GABRB3: variants seen among roughly 807,000 people sequenced by gnomAD.
GABRB3 encodes gamma-aminobutyric acid type A receptor subunit beta3, also known as gamma-aminobutyric acid receptor subunit beta-3.
A neutral mutation model predicts 52.1 loss-of-function variants in GABRB3; 14 were observed. That is an observed-to-expected ratio of 0.27 (90% CI 0.18 to 0.42). The LOEUF (loss-of-function observed/expected upper bound fraction) is 0.42, where lower values mean the gene tolerates loss of function less well. Among genes scored for constraint, GABRB3 ranks in the 10% least tolerant of loss-of-function variants. The pLI, the probability that GABRB3 is intolerant of heterozygous loss-of-function variation, is 1.00. For missense variants in GABRB3, 307 were observed against 609.1 expected, an observed-to-expected ratio of 0.50 and a Z score of 5.22; for synonymous variants, 260 against 232.3, an observed-to-expected ratio of 1.12 and a Z score of -1.08.
At chr15:26,680,989 T>C (rs561685003) in intron 3 of GABRB3, among the ~76,000 whole-genome samples, 11 of 152,346 alleles carry the variant, frequency 7.2e-5, no homozygotes, top group Non-Finnish European at 1.3e-4. Flanking sequence ...GTGCATTTTG[T>C]AAGATTAACC....
chr15:26,602,504 T>C (rs1891625499), intron 4 of GABRB3, among the ~76,000 whole-genome samples: 1 of 152,138 alleles, frequency 6.6e-6, no homozygotes. Flanking sequence ...ATAGATCATA[T>C]GTTAGGGTCA....
chr15:26,548,511 C>T (rs1259664152), intron 8 of GABRB3, among the ~76,000 whole-genome samples: 1 of 152,138 alleles, frequency 6.6e-6, no homozygotes, highest in Non-Finnish European at 1.5e-5. Flanking sequence ...AAACTATATT[C>T]TCCCATTTGT....
intron 3 of GABRB3, among the ~76,000 whole-genome samples, chr15:26,670,079 C>G (rs1004672980): frequency 7.9e-5 from 12 of 152,196 alleles, no homozygotes; most frequent in African/African-American, 2.9e-4. Flanking sequence ...GGGAGCTGCT[C>G]GAGCGCCCCG....
chr15:26,750,698 T>A (rs1306778617), intron 3 of GABRB3, among the ~76,000 whole-genome samples: 1 of 152,142 alleles, frequency 6.6e-6, no homozygotes, highest in Non-Finnish European at 1.5e-5. Context: ...TATTATTAAA[T>A]TGAAACAAAT....
chr15:26,676,185 G>A (rs180732305), intron 3 of GABRB3, among the ~76,000 whole-genome samples: 16 of 152,298 alleles, frequency 1.1e-4, no homozygotes, highest in Non-Finnish European at 1.6e-4. Flanking sequence ...GAATTCTTCA[G>A]CACCTGCTTG....
At chr15:26,632,041 C>T (rs1039531274) in intron 3 of GABRB3, among the ~76,000 whole-genome samples, 16 of 152,160 alleles carry the variant, frequency 1.1e-4, no homozygotes, top group Admixed American at 8.5e-4. Flanking sequence ...GCTTTGGAAG[C>T]GAACGTGCCG....
rs556085701 is a variant in GABRB3, at chr15:26,718,614, C to T, written c.240+53788G>A. 7.3e-5 allele frequency among the ~76,000 whole-genome samples: 11 copies of T among 151,278 alleles called. No homozygotes were observed. The East Asian group carries it at 2.1e-3, about 29-fold the overall frequency. On this transcript the variant is annotated intron_variant, in intron 3 of 8. Transcript: ENST00000311550. ...TATGATGCTCAATGTGTTTTTTTTT[C>T]TTATTATACTCTCGTCTATAGTTAT...
intron 3 of GABRB3, among the ~76,000 whole-genome samples, chr15:26,729,493 G>C (rs1286076490): frequency 6.6e-6 from 1 of 152,144 alleles, no homozygotes; most frequent in Admixed American, 6.5e-5. Flanking sequence ...CTAATGGCTA[G>C]CCTTTTAGGA....
chr15:26,697,553 A>G (rs568159117), intron 3 of GABRB3, among the ~76,000 whole-genome samples: 19 of 152,048 alleles, frequency 1.2e-4, no homozygotes, highest in Non-Finnish European at 2.6e-4. Context: ...GTGAAGCAGG[A>G]CCTCAGATAA....
chr15:26,675,029 G>C (rs542847239), intron 3 of GABRB3, among the ~76,000 whole-genome samples: 21 of 152,258 alleles, frequency 1.4e-4, no homozygotes, highest in African/African-American at 4.6e-4. Context: ...GGATCAAACT[G>C]ATCAAGCTAG....
chr15:26,680,455 G>A (rs1245953247), intron 3 of GABRB3, among the ~76,000 whole-genome samples: 3 of 152,126 alleles, frequency 2.0e-5, no homozygotes, highest in African/African-American at 7.2e-5. Context: ...CCTACCCTAT[G>A]GGCACCCTAC....
chr15:26,571,510 C>T (rs1465478808), intron 6 of GABRB3, among the ~76,000 whole-genome samples: 5 of 152,242 alleles, frequency 3.3e-5, no homozygotes, highest in African/African-American at 1.2e-4. Flanking sequence ...TTTACTATAT[C>T]CTCCAACTTT....
At chr15:26,645,195 T>G (rs1172035516) in intron 3 of GABRB3, among the ~76,000 whole-genome samples, 1 of 152,052 alleles carries the variant, frequency 6.6e-6, no homozygotes, top group African/African-American at 2.4e-5. Context: ...TGAGCTATGA[T>G]TGCACGACGC....
At chr15:26,732,132 AGATGGATGGATGGATGGAAG>A (rs1231431255) in intron 3 of GABRB3, among the ~76,000 whole-genome samples, 2 of 151,722 alleles carry the variant, frequency 1.3e-5, no homozygotes, top group African/African-American at 2.4e-5. Flanking sequence ...ACAGATGGAC[AGATGGATGGATGGATGGAAG>A]GATGGATGGA....
intron 3 of GABRB3, among the ~76,000 whole-genome samples, chr15:26,766,621 A>G (rs1891004104): frequency 6.6e-6 from 1 of 151,652 alleles, no homozygotes; most frequent in Non-Finnish European, 1.5e-5. Context: ...CCATTATCCA[A>G]GGAAATATAA....
At chr15:26,555,274 G>C (rs1407552473) in intron 8 of GABRB3, among the ~76,000 whole-genome samples, 1 of 152,136 alleles carries the variant, frequency 6.6e-6, no homozygotes, top group African/African-American at 2.4e-5. Flanking sequence ...GGACCAAGAA[G>C]AAAGGCATTC....
At chr15:26,683,346 TGG>T (rs1419820813) in intron 3 of GABRB3, among the ~76,000 whole-genome samples, 4,364 of 152,232 alleles carry the variant, frequency 0.029, 211 homozygotes, top group African/African-American at 0.098. Context: ...GGCACCCACC[TGG>T]AGTTTCAGAG....
In GABRB3 at chr15:26,773,063, C is replaced by T. The variant is rs1313971276; in HGVS notation, c.-101G>A. The stretch of plus-strand genomic sequence containing the variant: ...GCTGCCGCCGCCGCCGCCGCCGCCG[C>T]GCTGGCCCGGAGCGGAGGAGGGCGG... On this transcript the variant is annotated 5_prime_UTR_variant, in exon 1 of 9. Transcript: ENST00000311550. The T allele has an allele frequency of 1.2e-6, 1 of 812,186 alleles. No individual in the cohort carries two copies. The highest frequency in any genetic ancestry group is 1.5e-6 in the Non-Finnish European group (1 of 660,588). 50.3% of individuals were successfully genotyped at this position (812,186 alleles called of 1,614,324 possible).
chr15:26,591,000 C>T (rs933405963), intron 4 of GABRB3, among the ~76,000 whole-genome samples: 1 of 152,158 alleles, frequency 6.6e-6, no homozygotes, highest in Non-Finnish European at 1.5e-5. Context: ...GAAAGCCATG[C>T]CCAGAAGAGT....
Sources: allele counts gnomAD v4.1 joint callset (sites outside exome capture counted in the v4.1 genomes callset), GRCh38; gene constraint gnomAD v4.1.1; transcripts MANE v1.5; gene names NCBI Gene and HGNC (gene_info 2026-07-23, HGNC 2026-07-21).